Variants in FLNB observed in about 807,000 individuals in gnomAD.
FLNB encodes filamin-B.
FLNB carries 111 observed loss-of-function variants against 250.6 expected under a neutral mutation model. The ratio of observed to expected loss-of-function variants is 0.44; its 90% CI spans 0.38 to 0.52. FLNB has a LOEUF of 0.52. Among genes scored for constraint, FLNB ranks in the 20% least tolerant of loss-of-function variants. FLNB has a pLI of 0.00. For missense variants in FLNB, 2,869 were observed against 3,447.8 expected, an observed-to-expected ratio of 0.83 and a Z score of 4.20; for synonymous variants, 1,302 against 1,372.1, an observed-to-expected ratio of 0.95 and a Z score of 1.13.
intron 1 of FLNB, among the ~76,000 whole-genome samples, chr3:58,009,571 C>G (rs557119906): frequency 7.9e-5 from 12 of 152,230 alleles, no homozygotes; most frequent in African/African-American, 2.6e-4. Flanking sequence ...TTGTAGGGAG[C>G]CCAACTAGCG....
At chr3:58,068,558 C>G (rs1462691914) in intron 1 of FLNB, among the ~76,000 whole-genome samples, 1 of 152,158 alleles carries the variant, frequency 6.6e-6, no homozygotes, top group Non-Finnish European at 1.5e-5. Context: ...GTCAGCTGTC[C>G]CCGCTTTGGT....
intron 4 of FLNB, among the ~76,000 whole-genome samples, chr3:58,088,563 C>T (rs1036233900): frequency 6.6e-6 from 1 of 152,120 alleles, no homozygotes; most frequent in Non-Finnish European, 1.5e-5. Flanking sequence ...GTACTGAGTT[C>T]CTTGGGTTTA....
chr3:58,119,032 C>G (rs775754491), intron 19 of FLNB, 43 bp downstream of exon 19: 12 of 1,348,178 alleles, frequency 8.9e-6, no homozygotes, highest in Admixed American at 6.7e-5. Context: ...TGATGACCCC[C>G]CAACGTGGCT....
intron 1 of FLNB, among the ~76,000 whole-genome samples, chr3:58,050,804 TC>T (rs2097161156): frequency 6.6e-6 from 1 of 152,214 alleles, no homozygotes; most frequent in African/African-American, 2.4e-5. Flanking sequence ...TTCCACAGCT[TC>T]CTCTGGGGCC....
chr3:58,033,102 A>C (rs1454551890), intron 1 of FLNB, among the ~76,000 whole-genome samples: 3 of 152,184 alleles, frequency 2.0e-5, no homozygotes, highest in Non-Finnish European at 4.4e-5. Context: ...AGAAAACCCA[A>C]AAAATATTGA....
intron 1 of FLNB, among the ~76,000 whole-genome samples, chr3:58,021,091 C>A (rs1351353499): frequency 6.6e-6 from 1 of 152,174 alleles, no homozygotes; most frequent in African/African-American, 2.4e-5. Context: ...ACCCTGGTTT[C>A]CCTGCACCTC....
At chr3:58,152,718 C>T (rs1316604590) in intron 38 of FLNB, 5 of 1,324,780 alleles carry the variant, frequency 3.8e-6, no homozygotes, top group African/African-American at 1.5e-5. Flanking sequence ...GGGTCAGAGT[C>T]ATGAACTGCT....
chr3:58,132,836 C>T lies in FLNB; in HGVS notation c.4419C>T (p.Asp1473=). ...TGGTGGAGCCAGTGAACGTGGTGGA[C>T]AATGGAGATGGCACACACACAGTAA... ...RGLVEPVNVV[D]NGDGTHTVTY... The change falls in exon 26 of 46, where the codon GAC becomes GAT. Residue 1473 remains aspartate, a synonymous_variant. Coordinates refer to ENST00000295956, the MANE Select transcript of FLNB (RefSeq NM_001457.4). The T allele has an allele frequency of 6.2e-7, 1 of 1,613,866 alleles. No homozygotes were observed. The highest frequency in any genetic ancestry group is 8.5e-7 in the Non-Finnish European group (1 of 1,179,924).
At chr3:58,114,018 T>A (rs1159667740) in intron 18 of FLNB, among the ~76,000 whole-genome samples, 7 of 152,178 alleles carry the variant, frequency 4.6e-5, no homozygotes, top group Non-Finnish European at 1.5e-5. Context: ...TTTTTCTTCC[T>A]ATATGTCCTC....
intron 1 of FLNB, among the ~76,000 whole-genome samples, chr3:58,044,553 G>A (rs1192430764): frequency 3.3e-5 from 5 of 152,242 alleles, no homozygotes; most frequent in Middle Eastern, 6.8e-3. Flanking sequence ...TGAGCCTGGC[G>A]GGTCGAGGTT....
In FLNB at chr3:58,138,372, C is replaced by T. The variant is rs1290465536; in HGVS notation, c.4952C>T (p.Thr1651Met). 9 of 1,614,102 alleles carry T rather than the reference C, an allele frequency of 5.6e-6. No individual in the cohort carries two copies. Among genetic ancestry groups the T allele is most frequent in the South Asian group, 2.2e-5 (2 of 91,092 alleles). Residue 1651 changes from threonine (T) to methionine (M), a missense_variant, in exon 29 of 46, where the codon ACG becomes ATG. Transcript: ENST00000295956. Reference sequence around the variant, plus strand: ...GCCGGGAAGGGTAAAGTGACCTGCACGGTTCTGACCCCAGATGGCACTGAG... The same window carrying T: ...GCCGGGAAGGGTAAAGTGACCTGCATGGTTCTGACCCCAGATGGCACTGAG... ...KTAGKGKVTC[T>M]VLTPDGTEAE...
chr3:58,132,625 A>C (rs182983477), intron 25 of FLNB, 183 bp from the exon 26 acceptor site: 22 of 720,076 alleles, frequency 3.1e-5, no homozygotes, highest in Non-Finnish European at 4.4e-5. Context: ...TCATTTCTGC[A>C]ACCATGAATT....
At chr3:58,078,402 T>A in intron 2 of FLNB, 1 of 1,533,294 alleles carries the variant, frequency 6.5e-7, no homozygotes, top group Non-Finnish European at 8.7e-7. Flanking sequence ...ATAAAATCCC[T>A]CCTGCATAAA....
chr3:58,083,618 C>T (rs895019187), intron 4 of FLNB, among the ~76,000 whole-genome samples: 1 of 152,062 alleles, frequency 6.6e-6, no homozygotes, highest in Non-Finnish European at 1.5e-5. Context: ...CTGCCCGGCT[C>T]GGCCTCCCAA....
At position 58,038,874 on chromosome 3, in the gene FLNB, A is replaced by G. The variant is rs192258101; in HGVS notation, c.292+30018A>G. Among the ~76,000 whole-genome samples the G allele has an allele frequency of 2.4e-3, 369 of 152,234 alleles. 2 individuals carry two copies. The highest frequency in any genetic ancestry group is 8.6e-3 in the African/African-American group (357 of 41,540). ...GCATAGAAGAGATAGTTCTCTGTAGATGATGTTGAACAATGTGGTACTATA... is the reference window on the plus strand; with the variant it reads ...GCATAGAAGAGATAGTTCTCTGTAGGTGATGTTGAACAATGTGGTACTATA... On this transcript the variant is annotated intron_variant, in intron 1 of 45. Coordinates refer to ENST00000295956, the MANE Select transcript of FLNB (RefSeq NM_001457.4).
chr3:58,081,629 G>C lies in FLNB; in HGVS notation c.640G>C (p.Val214Leu), dbSNP rs2097209394. The C allele has an allele frequency of 6.2e-7, 1 of 1,613,936 alleles. No individual in the cohort carries two copies. The highest frequency in any genetic ancestry group is 8.5e-7 in the Non-Finnish European group (1 of 1,179,920). The change falls in exon 4 of 46, where the codon GTC becomes CTC. Residue 214 changes from valine (V) to leucine (L), a missense_variant and splice_region_variant. Transcript: ENST00000295956. ...QADDWLGVPQVITPEEIIHPD... is the reference protein window; with the variant it reads ...QADDWLGVPQLITPEEIIHPD... Reference sequence around the variant, plus strand: ...TTCATCCACCATGTCATTATCCTAGGTCATCACTCCTGAAGAAATCATTCA... The same window carrying C: ...TTCATCCACCATGTCATTATCCTAGCTCATCACTCCTGAAGAAATCATTCA...
chr3:58,086,980 A>C (rs1209485521), intron 4 of FLNB, among the ~76,000 whole-genome samples: 2 of 152,112 alleles, frequency 1.3e-5, no homozygotes, highest in South Asian at 2.1e-4. Context: ...GCATGGCGGC[A>C]TGTGCCTGTA....
intron 42 of FLNB, among the ~76,000 whole-genome samples, chr3:58,160,789 T>C (rs954503972): frequency 2.0e-5 from 3 of 151,930 alleles, no homozygotes; most frequent in South Asian, 2.1e-4. Context: ...GGGACCAACC[T>C]GGGTAACATA....
rs899257658 is a variant in FLNB at position 58,170,711 on chromosome 3, G to A, written c.7758G>A (p.Lys2586=). The A allele has an allele frequency of 4.3e-6, 7 of 1,614,090 alleles. No homozygotes were observed. The African/African-American group carries it at 9.3e-5, about 22-fold the overall frequency. The change falls in exon 46 of 46, where the codon AAG becomes AAA. Residue 2586 remains lysine (K), a synonymous_variant. Coordinates refer to ENST00000295956, the MANE Select transcript of FLNB (RefSeq NM_001457.4). Reference sequence around the variant, plus strand: ...GGGGCGATTATGTGCTGGCTGTGAAGTGGGGGGAGGAACACATCCCTGGCA... The same window carrying A: ...GGGGCGATTATGTGCTGGCTGTGAAATGGGGGGAGGAACACATCCCTGGCA... ...KERGDYVLAV[K]WGEEHIPGSP...
Sources: gnomAD v4.1 joint callset for allele counts (sites outside exome capture counted in the v4.1 genomes callset) on GRCh38, gnomAD v4.1.1 for gene constraint, MANE v1.5 for transcripts, NCBI Gene and HGNC (gene_info 2026-07-23, HGNC 2026-07-21) for gene names.